RBMS3: variants seen among roughly 807,000 people sequenced by gnomAD.
The protein encoded by RBMS3 is RNA binding motif single stranded interacting protein 3.
RBMS3 carries 27 observed loss-of-function variants against 66.8 expected under a neutral mutation model. The observed-to-expected ratio is 0.40, with a 90% CI of 0.30 to 0.56. RBMS3 has a LOEUF of 0.56. Ranked by LOEUF, RBMS3 falls within the 20% of genes least tolerant of loss-of-function variation. The pLI is 0.40. For missense variants in RBMS3, 513 were observed against 549.5 expected (o/e 0.93, Z 0.66); for synonymous variants, 188 against 183.0 (o/e 1.03, Z -0.22).
chr3:29,583,245 T>C (rs1417931279), intron 3 of RBMS3, among the ~76,000 whole-genome samples: 1 of 152,080 alleles, frequency 6.6e-6, no homozygotes, highest in Non-Finnish European at 1.5e-5. Flanking sequence ...GATTTTGTAA[T>C]ATCCTGTGTA....
In RBMS3 at chr3:29,312,708, T is replaced by G. The variant is rs542982140; in HGVS notation, c.75+30952T>G. 4.6e-5 allele frequency among the ~76,000 whole-genome samples: 7 copies of G among 151,640 alleles called. No individual in the cohort carries two copies. In the South Asian group the frequency reaches 6.2e-4, roughly 13 times the overall value. Reference sequence around the variant, plus strand: ...TTCTTTTCCCTTCCCTCTCCTTTTTTTTTTCTCTCACCTAAAGAGTCCATC... The same window carrying G: ...TTCTTTTCCCTTCCCTCTCCTTTTTGTTTTCTCTCACCTAAAGAGTCCATC... On this transcript the variant is annotated intron_variant, in intron 1 of 14. Transcript: ENST00000383767.
chr3:29,795,006 A>G (rs975648857), intron 6 of RBMS3, among the ~76,000 whole-genome samples: 3 of 152,222 alleles, frequency 2.0e-5, no homozygotes, highest in African/African-American at 7.2e-5. Context: ...TTGTTGGTTG[A>G]CATGGGCATT....
At position 29,884,155 on chromosome 3, in the gene RBMS3, T is replaced by C; in HGVS notation, c.745-7T>C. 6.2e-7 allele frequency: 1 copy of C among 1,610,946 alleles called. No individual in the cohort carries two copies. Among genetic ancestry groups the C allele is most frequent in the African/African-American group, 1.3e-5 (1 of 74,860 alleles). On this transcript the variant is annotated splice_polypyrimidine_tract_variant and splice_region_variant and intron_variant, in intron 7 of 14. Coordinates refer to ENST00000383767, the MANE Select transcript of RBMS3 (RefSeq NM_001003793.3). ...TTTGTTTTCTTCCCTCTTCATCCTA[T>C]ATACAGGCTGGCATGGCTTTGACCT...
intron 2 of RBMS3, among the ~76,000 whole-genome samples, chr3:29,470,161 C>A (rs2042674033): frequency 6.6e-6 from 1 of 151,246 alleles, no homozygotes; most frequent in South Asian, 2.1e-4. Context: ...TTAAAGATAT[C>A]CATGACTAAC....
At chr3:29,886,092 T>C (rs2059862881) in intron 8 of RBMS3, among the ~76,000 whole-genome samples, 1 of 151,864 alleles carries the variant, frequency 6.6e-6, no homozygotes. Flanking sequence ...TCTAACTTCT[T>C]ACATCTTCGA....
intron 13 of RBMS3, among the ~76,000 whole-genome samples, chr3:29,989,300 T>C (rs1440058216): frequency 1.3e-5 from 2 of 152,074 alleles, no homozygotes; most frequent in Non-Finnish European, 2.9e-5. Flanking sequence ...GGAGAGGGCA[T>C]AGAGCTATGC....
At chr3:29,888,854 C>T (rs1358093183) in intron 8 of RBMS3, among the ~76,000 whole-genome samples, 6 of 151,638 alleles carry the variant, frequency 4.0e-5, no homozygotes, top group African/African-American at 1.2e-4. Flanking sequence ...AATCTGTATC[C>T]GATGTATATC....
intron 1 of RBMS3, among the ~76,000 whole-genome samples, chr3:29,303,994 A>G (rs1044106891): frequency 6.6e-6 from 1 of 151,954 alleles, no homozygotes; most frequent in South Asian, 2.1e-4. Flanking sequence ...CCATGAGAAC[A>G]GTATGGGGGA....
intron 5 of RBMS3, among the ~76,000 whole-genome samples, chr3:29,746,646 C>T (rs781114141): frequency 6.6e-6 from 1 of 152,134 alleles, no homozygotes; most frequent in Non-Finnish European, 1.5e-5. Context: ...AAGTCAAAAT[C>T]ACAGCTGGAG....
intron 2 of RBMS3, among the ~76,000 whole-genome samples, chr3:29,439,671 A>C (rs1387897438): frequency 2.0e-5 from 3 of 151,896 alleles, no homozygotes; most frequent in Non-Finnish European, 4.4e-5. Context: ...GGTTAGTTAC[A>C]CATGCATACA....
At chr3:29,441,153 C>T (rs2041605151) in intron 2 of RBMS3, among the ~76,000 whole-genome samples, 1 of 152,154 alleles carries the variant, frequency 6.6e-6, no homozygotes, top group Non-Finnish European at 1.5e-5. Flanking sequence ...GAAGTGAATA[C>T]TGGAATCTTT....
At chr3:29,640,719 C>T (rs2049671216) in intron 4 of RBMS3, among the ~76,000 whole-genome samples, 1 of 151,764 alleles carries the variant, frequency 6.6e-6, no homozygotes, top group Non-Finnish European at 1.5e-5. Context: ...GCATTTTTTC[C>T]TTGTTTTAAA....
intron 1 of RBMS3, among the ~76,000 whole-genome samples, chr3:29,418,587 G>A (rs1460878477): frequency 6.6e-6 from 1 of 152,052 alleles, no homozygotes; most frequent in Non-Finnish European, 1.5e-5. Context: ...TCACTCTTCT[G>A]CATGACTAAA....
Position 30,004,126 on chromosome 3 carries a change from CA to C in RBMS3, c.*270del, listed in dbSNP as rs138475450. ...TTTCCAGAAGAGGAAAAAAAAACTA[CA>C]AAAAACAAAACATTGAAGGTTGATA... On this transcript the variant is annotated 3_prime_UTR_variant, in exon 15 of 15. Coordinates refer to ENST00000383767, the MANE Select transcript of RBMS3 (RefSeq NM_001003793.3). 15 of 288,984 alleles carry C rather than the reference CA, an allele frequency of 5.2e-5. No homozygotes were observed. In the East Asian group the frequency reaches 8.2e-4, roughly 16 times the overall value. The allele number at this position is 288,984 out of a possible 1,614,324, so 17.9% of individuals were successfully genotyped here.
At chr3:29,920,810 C>G (rs1156918782) in intron 10 of RBMS3, among the ~76,000 whole-genome samples, 2 of 124,742 alleles carry the variant, frequency 1.6e-5, no homozygotes, top group African/African-American at 6.5e-5. Context: ...CCCGTCTCTA[C>G]TAAAAATACA....
At chr3:29,373,225 T>G (rs1317065580) in intron 1 of RBMS3, among the ~76,000 whole-genome samples, 1 of 152,196 alleles carries the variant, frequency 6.6e-6, no homozygotes, top group East Asian at 1.9e-4. Flanking sequence ...CAGAACCCAC[T>G]GATCATGGGC....
At chr3:29,860,464 A>G (rs1256307130) in intron 6 of RBMS3, among the ~76,000 whole-genome samples, 1 of 152,140 alleles carries the variant, frequency 6.6e-6, no homozygotes, top group Non-Finnish European at 1.5e-5. Flanking sequence ...TATGCAAACC[A>G]TTGTTTTAAA....
At chr3:29,950,658 G>A (rs1695622702) in intron 12 of RBMS3, among the ~76,000 whole-genome samples, 1 of 151,768 alleles carries the variant, frequency 6.6e-6, no homozygotes, top group Non-Finnish European at 1.5e-5. Flanking sequence ...TAGTTAATCA[G>A]AATGCAAAAT....
intron 1 of RBMS3, among the ~76,000 whole-genome samples, chr3:29,413,680 A>G (rs2040368462): frequency 6.6e-6 from 1 of 152,184 alleles, no homozygotes; most frequent in Non-Finnish European, 1.5e-5. Context: ...CATAAGACAT[A>G]GGAGGTCATT....
Sources: allele counts gnomAD v4.1 joint callset (sites outside exome capture counted in the v4.1 genomes callset), GRCh38; gene constraint gnomAD v4.1.1; transcripts MANE v1.5; gene names NCBI Gene and HGNC (gene_info 2026-07-23, HGNC 2026-07-21).